The following CDH4 variants were observed in gnomAD, a reference collection of about 807,000 sequenced individuals.
CDH4 encodes the protein cadherin 4, also known as cadherin-4.
In CDH4, 33 loss-of-function variants were observed where a neutral mutation model predicts 86.0. The ratio of observed to expected loss-of-function variants is 0.38; its 90% CI spans 0.29 to 0.51. The LOEUF is 0.51. Ranked by LOEUF, CDH4 falls within the 20% of genes least tolerant of loss-of-function variation. The pLI, the probability that CDH4 is intolerant of heterozygous loss-of-function variation, is 0.86. For missense variants in CDH4, 1,114 were observed against 1,307.4 expected, an observed-to-expected ratio of 0.85 and a Z score of 2.28; for synonymous variants, 555 against 549.4, an observed-to-expected ratio of 1.01 and a Z score of -0.14.
intron 2 of CDH4, among the ~76,000 whole-genome samples, chr20:61,634,952 C>T (rs140286682): frequency 3.3e-5 from 5 of 152,148 alleles, no homozygotes; most frequent in East Asian, 1.9e-4. Flanking sequence ...GATAATGTTC[C>T]GAAGCGTGTG....
At chr20:61,283,431 T>C (rs111548390) in intron 2 of CDH4, among the ~76,000 whole-genome samples, 22 of 117,576 alleles carry the variant, frequency 1.9e-4, no homozygotes, top group African/African-American at 3.5e-4. Flanking sequence ...TTTGCACGCG[T>C]GTGCTGTGGT....
intron 2 of CDH4, among the ~76,000 whole-genome samples, chr20:61,299,399 C>G (rs1365804266): frequency 1.3e-5 from 2 of 152,212 alleles, no homozygotes; most frequent in Non-Finnish European, 2.9e-5. Flanking sequence ...GAATCCATTT[C>G]CATTGCTTTA....
chr20:61,744,838 C>T (rs13042972), intron 3 of CDH4, among the ~76,000 whole-genome samples: 48,318 of 152,126 alleles, frequency 0.32, 8,196 homozygotes, highest in African/African-American at 0.44. Context: ...CCGTGCCTGA[C>T]GGGGAAGTGG....
At chr20:61,444,489 G>A (rs2085335012) in intron 2 of CDH4, among the ~76,000 whole-genome samples, 1 of 151,916 alleles carries the variant, frequency 6.6e-6, no homozygotes, top group African/African-American at 2.4e-5. Context: ...TTCTCTGTGT[G>A]TGTCTGTGTA....
intron 2 of CDH4, among the ~76,000 whole-genome samples, chr20:61,677,813 T>C (rs1306888145): frequency 1.5e-5 from 1 of 66,966 alleles, no homozygotes; most frequent in Non-Finnish European, 3.0e-5. Context: ...GGATGGAAGA[T>C]AGATGGATAG....
chr20:61,553,611 A>G (rs2086152132), intron 2 of CDH4, among the ~76,000 whole-genome samples: 1 of 152,182 alleles, frequency 6.6e-6, no homozygotes, highest in Non-Finnish European at 1.5e-5. Context: ...CCTGCTTTAT[A>G]GATGTAGTGT....
At chr20:61,885,817 C>T (rs531056040) in intron 7 of CDH4, among the ~76,000 whole-genome samples, 8 of 152,300 alleles carry the variant, frequency 5.3e-5, no homozygotes, top group Admixed American at 1.3e-4. Flanking sequence ...GAGGATGAGA[C>T]GGAGAGCAGG....
At chr20:61,445,806 G>A (rs746622233) in intron 2 of CDH4, among the ~76,000 whole-genome samples, 5 of 152,232 alleles carry the variant, frequency 3.3e-5, no homozygotes, top group African/African-American at 7.2e-5. Flanking sequence ...CTGGCTGGAC[G>A]CCATGGTCCT....
chr20:61,705,080 A>G (rs1480169597), intron 2 of CDH4, among the ~76,000 whole-genome samples: 1 of 151,894 alleles, frequency 6.6e-6, no homozygotes, highest in African/African-American at 2.4e-5. Flanking sequence ...GCTGCTTCCC[A>G]TCCGCTTTGT....
intron 2 of CDH4, among the ~76,000 whole-genome samples, chr20:61,712,758 A>G (rs570531598): frequency 6.6e-6 from 1 of 152,284 alleles, no homozygotes; most frequent in East Asian, 1.9e-4. Flanking sequence ...GGCAGCCCCC[A>G]TCACGGAAGG....
At chr20:61,292,793 T>G (rs78269510) in intron 2 of CDH4, among the ~76,000 whole-genome samples, 8,802 of 152,330 alleles carry the variant, frequency 0.058, 376 homozygotes, top group Non-Finnish European at 0.086. Context: ...TTTGTTTTTG[T>G]TTTTGTTTTT....
In CDH4 at chr20:61,938,164, C is replaced by T. The variant is rs1052355089; in HGVS notation, c.*1221C>T. The stretch of plus-strand genomic sequence containing the variant: ...TCTGCACGCTGCAGACGGTGCCTCT[C>T]CTCTCCTATGGACCCTCGTCGGGGG... On this transcript the variant is annotated 3_prime_UTR_variant, in exon 16 of 16. Coordinates refer to ENST00000614565, the MANE Select transcript of CDH4 (RefSeq NM_001794.5). 2 of 152,294 alleles carry T rather than the reference C, an allele frequency of 1.3e-5. No individual in the cohort carries two copies. The highest frequency in any genetic ancestry group is 6.5e-5 in the Admixed American group (1 of 15,284). 9.4% of individuals were successfully genotyped at this position (152,294 alleles called of 1,614,324 possible). A position where few individuals can be genotyped will look rare whatever the true frequency, so the allele number is the denominator to read the frequency against.
intron 2 of CDH4, among the ~76,000 whole-genome samples, chr20:61,722,409 A>T (rs2088052669): frequency 3.9e-5 from 6 of 152,204 alleles, no homozygotes; most frequent in Admixed American, 3.9e-4. Flanking sequence ...TCCTTCCAGA[A>T]GTGAGGAAGG....
chr20:61,873,888 C>T lies in CDH4; in HGVS notation c.1038C>T (p.Gly346=), dbSNP rs752259276. 27 of 1,613,490 alleles carry T rather than the reference C, an allele frequency of 1.7e-5. 1 individual carries two copies. Among genetic ancestry groups the T allele is most frequent in the Middle Eastern group, 3.3e-4 (2 of 6,084 alleles). The change falls in exon 7 of 16, where the codon GGC becomes GGT. Residue 346 remains glycine (G), a synonymous_variant. Coordinates refer to ENST00000614565, the MANE Select transcript of CDH4 (RefSeq NM_001794.5). ...GAGATATCGTCACAGTGGCGGCTGGCCTGGACCGAGAGGTGAGGCGGGGTG... is the reference window on the plus strand; with the variant it reads ...GAGATATCGTCACAGTGGCGGCTGGTCTGGACCGAGAGGTGAGGCGGGGTG... ...ETGDIVTVAA[G]LDREKVQQYT...
At chr20:61,262,800 C>G (rs141974826) in intron 2 of CDH4, among the ~76,000 whole-genome samples, 1 of 147,660 alleles carries the variant, frequency 6.8e-6, no homozygotes, top group Non-Finnish European at 1.5e-5. Context: ...CTCCCTCCTT[C>G]CCTCCTTTCC....
rs200192076 is a variant in CDH4 at position 61,783,708 on chromosome 20, T to C, written c.576+10526T>C. ...CAAGAGAAATGTAATCCCAGTTCCT[T>C]GGGACAGTTCTCCGGGCCCTCAGAT... is the stretch of plus-strand genomic sequence containing the variant. On this transcript the variant is annotated intron_variant, in intron 4 of 15. Transcript: ENST00000614565. Among the ~76,000 whole-genome samples, 56 of 122,476 alleles carry C rather than the reference T, an allele frequency of 4.6e-4. 3 individuals carry two copies. The highest frequency in any genetic ancestry group is 1.3e-3 in the African/African-American group (41 of 31,154). The allele number at this position is 122,476 out of a possible 152,430, so 80.3% of individuals were successfully genotyped here. A position where few individuals can be genotyped will look rare whatever the true frequency, so the allele number is the denominator to read the frequency against.
intron 2 of CDH4, among the ~76,000 whole-genome samples, chr20:61,326,674 A>G (rs969618817): frequency 4.6e-5 from 7 of 152,194 alleles, no homozygotes; most frequent in African/African-American, 1.4e-4. Context: ...GGGGTTTGCA[A>G]ATGTGCTGAC....
At chr20:61,419,520 T>C (rs961820478) in intron 2 of CDH4, among the ~76,000 whole-genome samples, 6 of 152,150 alleles carry the variant, frequency 3.9e-5, no homozygotes, top group African/African-American at 1.4e-4. Context: ...AGTCGGCTGG[T>C]GCACAGAGCT....
At chr20:61,695,336 C>T (rs1055180161) in intron 2 of CDH4, among the ~76,000 whole-genome samples, 1 of 152,228 alleles carries the variant, frequency 6.6e-6, no homozygotes, top group African/African-American at 2.4e-5. Flanking sequence ...CTTGCTGGCC[C>T]TGCTGCTGTG....
Sources: allele counts gnomAD v4.1 joint callset (sites outside exome capture counted in the v4.1 genomes callset), GRCh38; gene constraint gnomAD v4.1.1; transcripts MANE v1.5; gene names NCBI Gene and HGNC (gene_info 2026-07-23, HGNC 2026-07-21).